SNTG2: variants seen among roughly 807,000 people sequenced by gnomAD.
SNTG2 encodes gamma-2-syntrophin.
SNTG2 carries 74 observed loss-of-function variants against 70.9 expected under a neutral mutation model. The ratio of observed to expected loss-of-function variants is 1.04; its 90% CI spans 0.86 to 1.27. The LOEUF is 1.27. Among genes scored for constraint, SNTG2 ranks in the 50% most tolerant of loss-of-function variants. SNTG2 has a pLI of 0.00. For missense variants in SNTG2, 717 were observed against 690.7 expected, an observed-to-expected ratio of 1.04 and a Z score of -0.43; for synonymous variants, 278 against 273.8, an observed-to-expected ratio of 1.02 and a Z score of -0.15.
At chr2:974,813 G>A (rs1364775758) in intron 1 of SNTG2, among the ~76,000 whole-genome samples, 1 of 152,134 alleles carries the variant, frequency 6.6e-6, no homozygotes, top group African/African-American at 2.4e-5. Flanking sequence ...GTGGGTTCAA[G>A]TTAATTTGTG....
chr2:1,191,741 G>A (rs1672606104), intron 8 of SNTG2, among the ~76,000 whole-genome samples: 1 of 152,180 alleles, frequency 6.6e-6, no homozygotes, highest in Non-Finnish European at 1.5e-5. Flanking sequence ...GTTGCAGTGA[G>A]CCGACATCGT....
At chr2:1,054,126 C>G (rs913994481) in intron 1 of SNTG2, among the ~76,000 whole-genome samples, 2 of 152,166 alleles carry the variant, frequency 1.3e-5, no homozygotes, top group Non-Finnish European at 2.9e-5. Flanking sequence ...ACTGCGGACC[C>G]GTGTCATTGC....
intron 4 of SNTG2, among the ~76,000 whole-genome samples, chr2:1,134,662 A>AC (rs900303775): frequency 2.0e-4 from 30 of 152,280 alleles, no homozygotes; most frequent in African/African-American, 6.7e-4. Flanking sequence ...AGCTGGCTTC[A>AC]CCCAGTGGAT....
At chr2:952,018 C>T (rs1242600934) in intron 1 of SNTG2, among the ~76,000 whole-genome samples, 4 of 152,204 alleles carry the variant, frequency 2.6e-5, no homozygotes, top group Admixed American at 6.5e-5. Flanking sequence ...TAAACTAGGA[C>T]TGTGGTCGTC....
At chr2:1,244,423 G>T (rs558783490) in intron 11 of SNTG2, among the ~76,000 whole-genome samples, 1 of 152,106 alleles carries the variant, frequency 6.6e-6, no homozygotes, top group Non-Finnish European at 1.5e-5. Context: ...CAGGCCGGGC[G>T]CGGGGGCTCA....
At chr2:974,370 G>T (rs1378216603) in intron 1 of SNTG2, among the ~76,000 whole-genome samples, 2 of 152,200 alleles carry the variant, frequency 1.3e-5, no homozygotes, top group Non-Finnish European at 2.9e-5. Flanking sequence ...TCCCCCACAG[G>T]AAGCTGCACC....
intron 6 of SNTG2, among the ~76,000 whole-genome samples, chr2:1,139,324 G>C (rs542495764): frequency 2.0e-5 from 3 of 152,108 alleles, no homozygotes. Flanking sequence ...TCCGCCTCCC[G>C]GGTTCAAGCA....
At chr2:1,120,200 T>A (rs891543716) in intron 4 of SNTG2, among the ~76,000 whole-genome samples, 1 of 152,198 alleles carries the variant, frequency 6.6e-6, no homozygotes, top group Non-Finnish European at 1.5e-5. Context: ...CATTTGTCAT[T>A]CTTTATCAAT....
intron 8 of SNTG2, among the ~76,000 whole-genome samples, chr2:1,183,473 G>T (rs1672057180): frequency 1.3e-5 from 2 of 152,194 alleles, no homozygotes; most frequent in Admixed American, 6.5e-5. Context: ...CCAGCAGGGT[G>T]AGGTGTGAGA....
intron 9 of SNTG2, 58 bp from the exon 10 acceptor site, chr2:1,237,830 G>T: frequency 6.5e-7 from 1 of 1,543,596 alleles, no homozygotes; most frequent in Non-Finnish European, 8.8e-7. Context: ...CGAAACTCAC[G>T]GAGGCAGGCC....
At chr2:1,295,155 G>T (rs1008363069) in intron 14 of SNTG2, among the ~76,000 whole-genome samples, 5 of 152,142 alleles carry the variant, frequency 3.3e-5, no homozygotes, top group African/African-American at 1.2e-4. Flanking sequence ...CTCTCGTGTG[G>T]CCATGAGCTC....
chr2:1,155,823 C>T (rs567776102), intron 6 of SNTG2, among the ~76,000 whole-genome samples: 23 of 152,216 alleles, frequency 1.5e-4, no homozygotes, highest in African/African-American at 5.1e-4. Flanking sequence ...GGTGCAGGCA[C>T]GTGTGGACTT....
chr2:1,178,617 G>T lies in SNTG2; in HGVS notation c.591+5434G>T, dbSNP rs1443729527. ...TGATGGATTATGTTCATTGATTTGC[G>T]TATGTTGAACCAGGCTTGCATCCCA... On this transcript the variant is annotated intron_variant, in intron 8 of 16. Transcript: ENST00000308624. Among the ~76,000 whole-genome samples the T allele has an allele frequency of 8.5e-5, 13 of 152,232 alleles. No homozygotes were observed. The East Asian group carries it at 2.5e-3, about 29-fold the overall frequency.
At chr2:1,141,891 G>T (rs1364966010) in intron 6 of SNTG2, among the ~76,000 whole-genome samples, 1 of 152,204 alleles carries the variant, frequency 6.6e-6, no homozygotes, top group Admixed American at 6.5e-5. Context: ...GTCCCACATT[G>T]TGACAGGGGC....
intron 8 of SNTG2, among the ~76,000 whole-genome samples, chr2:1,173,901 G>A (rs538445279): frequency 1.2e-4 from 19 of 152,390 alleles, no homozygotes; most frequent in African/African-American, 4.1e-4. Flanking sequence ...CACGAGAAAT[G>A]TAGAATCCTG....
intron 1 of SNTG2, among the ~76,000 whole-genome samples, chr2:1,073,898 AAG>A: frequency 6.6e-6 from 1 of 152,210 alleles, no homozygotes; most frequent in Non-Finnish European, 1.5e-5. Flanking sequence ...ATTTTGTAGA[AAG>A]AGGGAATTTT....
intron 6 of SNTG2, among the ~76,000 whole-genome samples, chr2:1,158,946 A>G (rs1454021166): frequency 6.6e-6 from 1 of 152,248 alleles, no homozygotes; most frequent in African/African-American, 2.4e-5. Flanking sequence ...AGGTCTTGGA[A>G]TGTGTTACTA....
chr2:1,285,365 G>A (rs184949938), intron 14 of SNTG2, among the ~76,000 whole-genome samples: 1 of 152,146 alleles, frequency 6.6e-6, no homozygotes, highest in African/African-American at 2.4e-5. Context: ...ACCACCATAA[G>A]TCCACCCCTT....
intron 8 of SNTG2, among the ~76,000 whole-genome samples, chr2:1,180,527 C>T (rs1177715661): frequency 7.3e-6 from 1 of 137,368 alleles, no homozygotes; most frequent in Non-Finnish European, 1.6e-5. Flanking sequence ...GATACCATCT[C>T]ACACCAGTTA....
Sources: gnomAD v4.1 joint callset for allele counts (sites outside exome capture counted in the v4.1 genomes callset) on GRCh38, gnomAD v4.1.1 for gene constraint, MANE v1.5 for transcripts, NCBI Gene and HGNC (gene_info 2026-07-23, HGNC 2026-07-21) for gene names.